GPATCH2L: variants seen among roughly 807,000 people sequenced by gnomAD.
GPATCH2L encodes G-patch domain containing 2 like, also known as G patch domain-containing protein 2-like.
GPATCH2L carries 31 observed loss-of-function variants against 57.4 expected under a neutral mutation model. The observed-to-expected ratio is 0.54, with a 90% CI of 0.41 to 0.73. The LOEUF is 0.73. Among genes scored for constraint, GPATCH2L ranks in the 30% least tolerant of loss-of-function variants. The probability of loss-of-function intolerance (pLI) is 0.00; values close to 1 mark genes in which losing one functional copy is unlikely to be tolerated. For synonymous variants in GPATCH2L, 199 were observed against 210.7 expected (o/e 0.94, Z 0.48); for missense variants, 481 against 599.9 (o/e 0.80, Z 2.07).
At chr14:76,227,964 TC>T (rs2040542931) in intron 1 of GPATCH2L, among the ~76,000 whole-genome samples, 1 of 152,152 alleles carries the variant, frequency 6.6e-6, no homozygotes, top group Non-Finnish European at 1.5e-5. Context: ...GGGAAAACCA[TC>T]TACTCACTTC....
rs1360146109 is a variant in GPATCH2L at position 76,204,841 on chromosome 14, A to G, written c.*2990A>G. 2 of 152,236 alleles carry G rather than the reference A, an allele frequency of 1.3e-5. No individual in the cohort carries two copies. The highest frequency in any genetic ancestry group is 6.5e-5 in the Admixed American group (1 of 15,284). The allele number at this position is 152,236 out of a possible 1,614,324, so 9.4% of individuals were successfully genotyped here. ...TTCCACGATGGGCAGAAGTCAGAACATTATCTGCTTCTGTGAGGATCATAA... is the reference window on the plus strand; with the variant it reads ...TTCCACGATGGGCAGAAGTCAGAACGTTATCTGCTTCTGTGAGGATCATAA... On this transcript the variant is annotated 3_prime_UTR_variant, in exon 10 of 10. Transcript: ENST00000261530.
chr14:76,158,314 G>C (rs1023385412), intron 2 of GPATCH2L, among the ~76,000 whole-genome samples: 9 of 152,096 alleles, frequency 5.9e-5, no homozygotes, highest in African/African-American at 2.2e-4. Context: ...GACCTTCTGC[G>C]GCCCTTTGGT....
chr14:76,163,128 G>T (rs1475213629), intron 2 of GPATCH2L, among the ~76,000 whole-genome samples: 1 of 152,158 alleles, frequency 6.6e-6, no homozygotes, highest in Non-Finnish European at 1.5e-5. Context: ...GTGAACGCAT[G>T]GGCTTTAGGC....
Position 76,201,765 on chromosome 14 carries a change from AG to A in GPATCH2L, c.1365del (p.Thr456ProfsTer42). The A allele has an allele frequency of 6.2e-7, 1 of 1,614,050 alleles. No homozygotes were observed. The highest frequency in any genetic ancestry group is 8.5e-7 in the Non-Finnish European group (1 of 1,179,920). Reference sequence around the variant, plus strand: ...ATCACCCAGCTCTGAGTGGTTGGTGAGGACCTCTGCAGCAGAGAAAGCCACA... The same window carrying A: ...ATCACCCAGCTCTGAGTGGTTGGTGAGACCTCTGCAGCAGAGAAAGCCACA... ...PKSPSSEWLV[R>X]TSAAEKATDA... On this transcript the variant is annotated frameshift_variant, in exon 10 of 10. Coordinates refer to ENST00000261530, the MANE Select transcript of GPATCH2L (RefSeq NM_017926.4). LOFTEE classifies it high-confidence loss of function.
intron 2 of GPATCH2L, among the ~76,000 whole-genome samples, chr14:76,165,101 C>T (rs1313547359): frequency 6.6e-6 from 1 of 152,172 alleles, no homozygotes; most frequent in Non-Finnish European, 1.5e-5. Context: ...GGATGTGGTT[C>T]AGTTGCCTTT....
At chr14:76,164,514 TCTTTA>T (rs1235254681) in intron 2 of GPATCH2L, among the ~76,000 whole-genome samples, 1 of 152,202 alleles carries the variant, frequency 6.6e-6, no homozygotes, top group African/African-American at 2.4e-5. Flanking sequence ...TGAGATTGGG[TCTTTA>T]CTTTATTGAC....
chr14:76,199,088 T>G (rs958883585), intron 9 of GPATCH2L, among the ~76,000 whole-genome samples: 1 of 152,180 alleles, frequency 6.6e-6, no homozygotes, highest in African/African-American at 2.4e-5. Flanking sequence ...TAAAAGAACA[T>G]TTATAGCAGA....
At chr14:76,159,633 A>G (rs1432517579) in intron 2 of GPATCH2L, among the ~76,000 whole-genome samples, 2 of 152,138 alleles carry the variant, frequency 1.3e-5, no homozygotes, top group Non-Finnish European at 2.9e-5. Flanking sequence ...ATGAAGGTGT[A>G]GAAAACACTG....
Position 76,204,516 on chromosome 14 carries a change from A to G in GPATCH2L, c.*2665A>G, listed in dbSNP as rs748670616. 5 of 152,202 alleles carry G rather than the reference A, an allele frequency of 3.3e-5. No individual in the cohort carries two copies. Among genetic ancestry groups the G allele is most frequent in the Non-Finnish European group, 7.3e-5 (5 of 68,044 alleles). 9.4% of individuals were successfully genotyped at this position (152,202 alleles called of 1,614,324 possible). The stretch of plus-strand genomic sequence containing the variant: ...ACCAGTTCCAGAGGATAGCCTTAGA[A>G]ATGAGTGTATTTTGAATCTTAAAGT... On this transcript the variant is annotated 3_prime_UTR_variant, in exon 10 of 10. Transcript: ENST00000261530.
chr14:76,192,009 C>A (rs2039984949), intron 8 of GPATCH2L, among the ~76,000 whole-genome samples: 1 of 152,032 alleles, frequency 6.6e-6, no homozygotes, highest in African/African-American at 2.4e-5. Flanking sequence ...TTTTAAGCTT[C>A]CACTTATGAG....
rs2039335757 is a variant in GPATCH2L, at chr14:76,176,540, A to G, written c.985-83A>G. 7.3e-6 allele frequency: 7 copies of G among 959,282 alleles called. No homozygotes were observed. The South Asian group carries it at 9.4e-5, about 13-fold the overall frequency. 59.4% of individuals were successfully genotyped at this position (959,282 alleles called of 1,614,324 possible). On this transcript the variant is annotated intron_variant, in intron 5 of 9. Transcript: ENST00000261530. ...GCCTTTTGAGGTTGCCTTAGCTGGC[A>G]CAGTTATGGGAAAGATTGATATTGT...
chr14:76,169,491 A>G (rs2166320), intron 3 of GPATCH2L, among the ~76,000 whole-genome samples: 85,359 of 152,020 alleles, frequency 0.56, 26,321 homozygotes, highest in South Asian at 0.77. Context: ...TAGAGGAGCC[A>G]GAGGTCAGGA....
At chr14:76,198,792 G>A (rs540195701) in intron 9 of GPATCH2L, among the ~76,000 whole-genome samples, 6 of 97,680 alleles carry the variant, frequency 6.1e-5, no homozygotes, top group Admixed American at 2.2e-4. Context: ...GAGCAGGACT[G>A]CTTATCTGTT....
chr14:76,166,390 T>C (rs899191114), intron 2 of GPATCH2L, among the ~76,000 whole-genome samples: 2 of 152,232 alleles, frequency 1.3e-5, no homozygotes, highest in African/African-American at 2.4e-5. Flanking sequence ...ATTACGTCTT[T>C]GAGCTTTAAT....
intron 1 of GPATCH2L, among the ~76,000 whole-genome samples, chr14:76,221,054 A>C (rs897798919): frequency 2.3e-4 from 35 of 151,998 alleles, no homozygotes; most frequent in Non-Finnish European, 2.5e-4. Context: ...AAAAAAAAAA[A>C]AGTCAAAAAA....
In GPATCH2L at chr14:76,154,883, A is replaced by T; in HGVS notation, c.520A>T (p.Asn174Tyr). 2 of 1,614,204 alleles carry T rather than the reference A, an allele frequency of 1.2e-6. No homozygotes were observed. Among genetic ancestry groups the T allele is most frequent in the Non-Finnish European group, 1.7e-6 (2 of 1,180,020 alleles). The change falls in exon 2 of 10, where the codon AAT (asparagine) becomes TAT (tyrosine). Residue 174 changes from asparagine to tyrosine, a missense_variant. By Grantham distance (143) the Asn-to-Tyr change is moderately radical. Around this residue, in one of 3 missense-constraint regions of GPATCH2L, gnomAD observed 208 missense variants for 272.4 expected, o/e 0.76. Coordinates refer to ENST00000261530, the MANE Select transcript of GPATCH2L (RefSeq NM_017926.4). The surrounding 1 kb of genome is among the most constrained non-coding windows in gnomAD (Gnocchi z 4.4). ...GCAGCGTCTGTCCCGCTGGAAGGAG[A>T]ATACTCCCTGGACCTCATCAGGCCA... The part of the protein sequence containing the change: ...KKQRLSRWKE[N>Y]TPWTSSGHGL...
In GPATCH2L at chr14:76,205,905, A is replaced by G. The variant is rs2040370324; in HGVS notation, c.*4054A>G. ...GGTTTTTCCCCCTGGGGAGAAGACT[A>G]TGTAAAAATCTCAGCGTTAGAAGCT... On this transcript the variant is annotated 3_prime_UTR_variant, in exon 10 of 10. Coordinates refer to ENST00000261530, the MANE Select transcript of GPATCH2L (RefSeq NM_017926.4). 1 of 152,374 alleles carries G rather than the reference A, an allele frequency of 6.6e-6. No homozygotes were observed. The highest frequency in any genetic ancestry group is 1.5e-5 in the Non-Finnish European group (1 of 68,074). The allele number at this position is 152,374 out of a possible 1,614,324, so 9.4% of individuals were successfully genotyped here.
rs377198784 is a variant in GPATCH2L at position 76,201,678 on chromosome 14, G to A, written c.1289-13G>A. The A allele has an allele frequency of 6.3e-7, 1 of 1,591,318 alleles. No homozygotes were observed. The highest frequency in any genetic ancestry group is 2.3e-5 in the East Asian group (1 of 44,032). ...CCTTGATGTTTTGCTCCTCTCTGTT[G>A]TAACCTTACTAGTTCACATGGATGC... On this transcript the variant is annotated splice_polypyrimidine_tract_variant and intron_variant, in intron 9 of 9. Coordinates refer to ENST00000261530, the MANE Select transcript of GPATCH2L (RefSeq NM_017926.4).
Position 76,211,679 on chromosome 14 carries a change from T to C in GPATCH2L, c.*9828T>C, listed in dbSNP as rs2040441668. The C allele has an allele frequency of 6.6e-6, 1 of 152,216 alleles. No homozygotes were observed. Among genetic ancestry groups the C allele is most frequent in the African/African-American group, 2.4e-5 (1 of 41,454 alleles). The allele number at this position is 152,216 out of a possible 1,614,324, so 9.4% of individuals were successfully genotyped here. A position where few individuals can be genotyped will look rare whatever the true frequency, so the allele number is the denominator to read the frequency against. ...TCTCAGTAGTGACAATAAATTTGTGTTGATCTATTTACACCTTTTGGACTG... is the reference window on the plus strand; with the variant it reads ...TCTCAGTAGTGACAATAAATTTGTGCTGATCTATTTACACCTTTTGGACTG... On this transcript the variant is annotated 3_prime_UTR_variant, in exon 10 of 10. Transcript: ENST00000261530.
Sources: allele counts gnomAD v4.1 joint callset (sites outside exome capture counted in the v4.1 genomes callset), GRCh38; gene constraint gnomAD v4.1.1; regional missense constraint gnomAD v4.1.1; non-coding constraint Gnocchi (gnomAD v3.1); transcripts MANE v1.5; gene names NCBI Gene and HGNC (gene_info 2026-07-23, HGNC 2026-07-21).